Variants in PPP3CA observed in about 807,000 individuals in gnomAD.
The protein encoded by PPP3CA is protein phosphatase 3 catalytic subunit alpha, also known as CAM-PRP catalytic subunit.
A neutral mutation model predicts 66.5 loss-of-function variants in PPP3CA; 14 were observed. The ratio of observed to expected loss-of-function variants is 0.21; its 90% CI spans 0.14 to 0.33. The LOEUF (loss-of-function observed/expected upper bound fraction) is 0.33, where lower values mean the gene tolerates loss of function less well. Ranked by LOEUF, PPP3CA falls within the 10% of genes least tolerant of loss-of-function variation. The pLI, the probability that PPP3CA is intolerant of heterozygous loss-of-function variation, is 1.00. For synonymous variants in PPP3CA, 232 were observed against 226.2 expected (o/e 1.03, Z -0.23); for missense variants, 317 against 639.5 (o/e 0.50, Z 5.44).
chr4:101,244,408 T>G (rs984723822), intron 1 of PPP3CA, among the ~76,000 whole-genome samples: 1 of 152,182 alleles, frequency 6.6e-6, no homozygotes, highest in East Asian at 1.9e-4. Flanking sequence ...CTCTTCAATC[T>G]GCAAGTCGAA....
intron 9 of PPP3CA, 147 bp from the exon 10 acceptor site, chr4:101,061,308 A>C (rs977914026): frequency 1.5e-6 from 1 of 663,008 alleles, no homozygotes; most frequent in Non-Finnish European, 2.6e-6. Flanking sequence ...TCCAGATCAT[A>C]AAAGACAGCC....
At chr4:101,154,636 G>A (rs1182234729) in intron 2 of PPP3CA, among the ~76,000 whole-genome samples, 1 of 152,046 alleles carries the variant, frequency 6.6e-6, no homozygotes, top group Non-Finnish European at 1.5e-5. Context: ...TCTACCCAGT[G>A]TAATCATTAT....
At chr4:101,263,849 T>G (rs190893358) in intron 1 of PPP3CA, among the ~76,000 whole-genome samples, 1 of 152,232 alleles carries the variant, frequency 6.6e-6, no homozygotes, top group Non-Finnish European at 1.5e-5. Context: ...TCAAGGGTTT[T>G]ATATAAATGG....
chr4:101,057,439 G>T (rs916595752), intron 10 of PPP3CA, among the ~76,000 whole-genome samples: 9 of 152,116 alleles, frequency 5.9e-5, no homozygotes, highest in Admixed American at 1.3e-4. Context: ...GAACTAAAAG[G>T]TCACATTTAG....
chr4:101,164,922 T>C (rs1362452947), intron 2 of PPP3CA, among the ~76,000 whole-genome samples: 2 of 152,234 alleles, frequency 1.3e-5, no homozygotes, highest in Admixed American at 6.5e-5. Flanking sequence ...CACATGTATA[T>C]AGGCATATAT....
At chr4:101,247,911 A>G (rs1439513558) in intron 1 of PPP3CA, among the ~76,000 whole-genome samples, 5 of 152,080 alleles carry the variant, frequency 3.3e-5, no homozygotes, top group African/African-American at 1.2e-4. Flanking sequence ...ACACACACAC[A>G]CTTTTTAAAA....
At chr4:101,030,332 G>C (rs1299197330) in intron 12 of PPP3CA, among the ~76,000 whole-genome samples, 2 of 152,036 alleles carry the variant, frequency 1.3e-5, no homozygotes, top group African/African-American at 4.8e-5. Context: ...CGGTGGATTC[G>C]AGATTCCTTA....
intron 8 of PPP3CA, 21 bp downstream of exon 8, chr4:101,080,511 G>T: frequency 7.9e-7 from 1 of 1,265,588 alleles, no homozygotes; most frequent in South Asian, 1.9e-5. Flanking sequence ...AAGACTGCAA[G>T]AGGTATTTAA....
chr4:101,070,319 C>T (rs1003269913), intron 8 of PPP3CA, among the ~76,000 whole-genome samples: 5 of 151,984 alleles, frequency 3.3e-5, no homozygotes, highest in African/African-American at 1.2e-4. Flanking sequence ...TATAACTAAT[C>T]AGGATACTAA....
chr4:101,074,140 G>A (rs1729042764), intron 8 of PPP3CA, among the ~76,000 whole-genome samples: 1 of 152,208 alleles, frequency 6.6e-6, no homozygotes, highest in African/African-American at 2.4e-5. Flanking sequence ...CCATGCTTAA[G>A]ACAAGCCTCA....
rs190453052 is a variant in PPP3CA, at chr4:101,208,355, T to C, written c.59-12239A>G. On this transcript the variant is annotated intron_variant, in intron 1 of 13. Coordinates refer to ENST00000394854, the MANE Select transcript of PPP3CA (RefSeq NM_000944.5). ...ATTTATTCAGAGCTTTGGTTCCCATTGTTCTCAACAACCACAGCGCAGTTC... is the reference window on the plus strand; with the variant it reads ...ATTTATTCAGAGCTTTGGTTCCCATCGTTCTCAACAACCACAGCGCAGTTC... Among the ~76,000 whole-genome samples, 116 of 152,314 alleles carry C rather than the reference T, an allele frequency of 7.6e-4. 1 individual carries two copies. Among genetic ancestry groups the C allele is most frequent in the African/African-American group, 2.5e-3 (104 of 41,574 alleles).
chr4:101,180,588 T>C (rs910530809), intron 2 of PPP3CA, among the ~76,000 whole-genome samples: 2 of 152,142 alleles, frequency 1.3e-5, no homozygotes, highest in South Asian at 2.1e-4. Context: ...AAATTTCTTA[T>C]TTTGAATCAA....
intron 2 of PPP3CA, among the ~76,000 whole-genome samples, chr4:101,162,001 A>G (rs1360820350): frequency 1.3e-5 from 2 of 152,210 alleles, no homozygotes; most frequent in African/African-American, 2.4e-5. Context: ...GAACTCTGTG[A>G]GGCCGAGGCT....
At chr4:101,331,987 A>G (rs1729402187) in intron 1 of PPP3CA, among the ~76,000 whole-genome samples, 1 of 152,206 alleles carries the variant, frequency 6.6e-6, no homozygotes, top group South Asian at 2.1e-4. Context: ...GTGACAAAAC[A>G]TATGTGTATG....
intron 2 of PPP3CA, among the ~76,000 whole-genome samples, chr4:101,154,963 C>T (rs1359502822): frequency 6.6e-6 from 1 of 151,798 alleles, no homozygotes; most frequent in African/African-American, 2.4e-5. Context: ...ACTACAGGTG[C>T]CTGCCACCAC....
intron 1 of PPP3CA, among the ~76,000 whole-genome samples, chr4:101,305,110 C>G (rs6846554): frequency 0.11 from 16,922 of 152,192 alleles, 3,174 homozygotes; most frequent in African/African-American, 0.38. Context: ...AGCAGAACCA[C>G]TTCCCACATG....
rs191638838 is a variant in PPP3CA at position 101,177,477 on chromosome 4, T to C, written c.259+18439A>G. On this transcript the variant is annotated intron_variant, in intron 2 of 13. Coordinates refer to ENST00000394854, the MANE Select transcript of PPP3CA (RefSeq NM_000944.5). ...ACTTTTAGACAATAGTTTTCACTAA[T>C]ACTATTATTTTCACCCTCCTTTTCC... Among the ~76,000 whole-genome samples, 11 of 152,234 alleles carry C rather than the reference T, an allele frequency of 7.2e-5. No individual in the cohort carries two copies. In the East Asian group the frequency reaches 2.1e-3, roughly 29 times the overall value.
intron 1 of PPP3CA, among the ~76,000 whole-genome samples, chr4:101,240,039 TG>T (rs1252595684): frequency 2.8e-5 from 2 of 70,244 alleles, no homozygotes; most frequent in South Asian, 4.6e-4. Context: ...GGTTTTTTTT[TG>T]GGGGGAGCGG....
chr4:101,047,141 T>C (rs1210718412), intron 10 of PPP3CA, among the ~76,000 whole-genome samples: 1 of 152,216 alleles, frequency 6.6e-6, no homozygotes. Flanking sequence ...CAAAGGGATG[T>C]TATGCAGAAG....
Sources: allele counts gnomAD v4.1 joint callset (sites outside exome capture counted in the v4.1 genomes callset), GRCh38; gene constraint gnomAD v4.1.1; transcripts MANE v1.5; gene names NCBI Gene and HGNC (gene_info 2026-07-23, HGNC 2026-07-21).